Variants in GNA14 observed in about 807,000 individuals in gnomAD.
The protein encoded by GNA14 is guanine nucleotide-binding protein subunit alpha-14.
Under a neutral mutation model 42.0 loss-of-function variants are expected in GNA14, and 50 were observed. The ratio of observed to expected loss-of-function variants is 1.19; its 90% confidence interval spans 0.95 to 1.51. The LOEUF is 1.51. Ranked by LOEUF, GNA14 falls within the 40% of genes most tolerant of loss-of-function variation. The pLI is 0.00. For missense variants in GNA14, 473 were observed against 446.2 expected, an observed-to-expected ratio of 1.06 and a Z score of -0.54; for synonymous variants, 173 against 163.1, an observed-to-expected ratio of 1.06 and a Z score of -0.46.
chr9:77,519,352 A>G (rs1837312904), intron 2 of GNA14, among the ~76,000 whole-genome samples: 1 of 151,900 alleles, frequency 6.6e-6, no homozygotes, highest in African/African-American at 2.4e-5. Context: ...TGGAGGTTGC[A>G]GTGAGCCGAG....
intron 1 of GNA14, among the ~76,000 whole-genome samples, chr9:77,608,867 C>T (rs930232217): frequency 2.0e-5 from 3 of 152,036 alleles, no homozygotes; most frequent in African/African-American, 7.2e-5. Context: ...TCCCAGCTGG[C>T]AACATTTCTC....
intron 2 of GNA14, among the ~76,000 whole-genome samples, chr9:77,455,591 T>C (rs1835983991): frequency 6.6e-6 from 1 of 152,212 alleles, no homozygotes; most frequent in Non-Finnish European, 1.5e-5. Context: ...TACTTTTCCC[T>C]CGGCTTATAT....
chr9:77,475,711 A>G (rs1836407785), intron 2 of GNA14, among the ~76,000 whole-genome samples: 1 of 152,200 alleles, frequency 6.6e-6, no homozygotes, highest in South Asian at 2.1e-4. Flanking sequence ...GCAATCATCT[A>G]GGGCACAAAA....
intron 1 of GNA14, among the ~76,000 whole-genome samples, chr9:77,552,758 T>C (rs1837800668): frequency 6.6e-6 from 1 of 152,208 alleles, no homozygotes; most frequent in African/African-American, 2.4e-5. Flanking sequence ...CACCTTAGTT[T>C]CTTTTTAATG....
intron 6 of GNA14, among the ~76,000 whole-genome samples, chr9:77,424,513 G>A (rs1429809172): frequency 1.3e-5 from 2 of 152,142 alleles, no homozygotes; most frequent in African/African-American, 2.4e-5. Flanking sequence ...GTGAGCCACC[G>A]TGCCTGGCCC....
At chr9:77,560,464 G>GT (rs980500154) in intron 1 of GNA14, among the ~76,000 whole-genome samples, 2 of 151,848 alleles carry the variant, frequency 1.3e-5, no homozygotes, top group East Asian at 1.9e-4. Context: ...TAATTATGTT[G>GT]TTTTTTGTTT....
chr9:77,618,901 GGGATTACA>G, intron 1 of GNA14, among the ~76,000 whole-genome samples: 1 of 151,394 alleles, frequency 6.6e-6, no homozygotes, highest in Admixed American at 6.6e-5. Flanking sequence ...CCAAAGTGCT[GGGATTACA>G]GGCGTGAGCC....
In GNA14 at chr9:77,562,824, A is replaced by T. The variant is rs78731638; in HGVS notation, c.125-33571T>A. On this transcript the variant is annotated intron_variant, in intron 1 of 6. Transcript: ENST00000341700. ...TCCAATTAAGTCATCCTCTACCCTGATCCCTAGTATTTACTATGAAATGCT... is the reference window on the plus strand; with the variant it reads ...TCCAATTAAGTCATCCTCTACCCTGTTCCCTAGTATTTACTATGAAATGCT... Among the ~76,000 whole-genome samples the T allele has an allele frequency of 9.5e-4, 144 of 152,272 alleles. 4 individuals are homozygous for T. The South Asian group carries it at 0.018, about 19-fold the overall frequency.
At chr9:77,498,389 G>GAAA (rs763098068) in intron 2 of GNA14, among the ~76,000 whole-genome samples, 3 of 122,040 alleles carry the variant, frequency 2.5e-5, no homozygotes, top group East Asian at 2.7e-4. Flanking sequence ...AAAAAAAAAA[G>GAAA]AAAAAAAAGA....
intron 1 of GNA14, among the ~76,000 whole-genome samples, chr9:77,607,270 C>G (rs545558308): frequency 3.9e-5 from 6 of 152,062 alleles, no homozygotes; most frequent in African/African-American, 1.2e-4. Flanking sequence ...CTCACACAGA[C>G]GAGAGATGCC....
chr9:77,487,926 C>T (rs150889587), intron 2 of GNA14, among the ~76,000 whole-genome samples: 177 of 152,164 alleles, frequency 1.2e-3, no homozygotes, highest in African/African-American at 3.9e-3. Flanking sequence ...AAACATACCA[C>T]GTTGGGCACT....
At chr9:77,485,301 C>T (rs560497706) in intron 2 of GNA14, among the ~76,000 whole-genome samples, 1 of 152,256 alleles carries the variant, frequency 6.6e-6, no homozygotes, top group Admixed American at 6.5e-5. Flanking sequence ...AGAAGGAACT[C>T]CTCATTTTTT....
chr9:77,480,542 T>A (rs1836524992), intron 2 of GNA14, among the ~76,000 whole-genome samples: 1 of 152,212 alleles, frequency 6.6e-6, no homozygotes. Context: ...GGCTTTGGTA[T>A]CAGGATGATG....
Position 77,503,287 on chromosome 9 carries a change from T to C in GNA14, c.309+25782A>G, listed in dbSNP as rs531932559. Among the ~76,000 whole-genome samples, 258 of 152,264 alleles carry C rather than the reference T, an allele frequency of 1.7e-3. 1 individual carries two copies. Among genetic ancestry groups the C allele is most frequent in the Middle Eastern group, 3.4e-3 (1 of 294 alleles). ...ATCAACGGTGCCCACTGCAGGGCAG[T>C]TGTAATGCACATCAGTCTTTATGGG... On this transcript the variant is annotated intron_variant, in intron 2 of 6. Transcript: ENST00000341700.
chr9:77,538,233 G>A (rs1357469034), intron 1 of GNA14, among the ~76,000 whole-genome samples: 2 of 152,004 alleles, frequency 1.3e-5, no homozygotes, highest in African/African-American at 4.8e-5. Context: ...ACCACACCCA[G>A]CTAATTTTTT....
chr9:77,557,160 G>A (rs1587829138), intron 1 of GNA14, among the ~76,000 whole-genome samples: 1 of 152,112 alleles, frequency 6.6e-6, no homozygotes, highest in Non-Finnish European at 1.5e-5. Flanking sequence ...CACCAAGGAG[G>A]CATGCACTAC....
At chr9:77,628,024 G>C (rs150585036) in intron 1 of GNA14, among the ~76,000 whole-genome samples, 423 of 152,302 alleles carry the variant, frequency 2.8e-3, no homozygotes, top group African/African-American at 9.9e-3. Context: ...TCCTTAAGCT[G>C]ATAAGCAACT....
chr9:77,463,360 A>C (rs770868894), intron 2 of GNA14, among the ~76,000 whole-genome samples: 5 of 152,222 alleles, frequency 3.3e-5, no homozygotes, highest in African/African-American at 4.8e-5. Flanking sequence ...AGAGCTGCTC[A>C]TAAAAAGCTT....
At chr9:77,560,600 G>C (rs1303180038) in intron 1 of GNA14, among the ~76,000 whole-genome samples, 1 of 152,098 alleles carries the variant, frequency 6.6e-6, no homozygotes, top group African/African-American at 2.4e-5. Context: ...ACAGGTGTGA[G>C]ACACTGTGCC....
Sources: gnomAD v4.1 joint callset for allele counts (sites outside exome capture counted in the v4.1 genomes callset) on GRCh38, gnomAD v4.1.1 for gene constraint, MANE v1.5 for transcripts, NCBI Gene and HGNC (gene_info 2026-07-23, HGNC 2026-07-21) for gene names.